TAFA1: variants seen among roughly 807,000 people sequenced by gnomAD.
TAFA1 encodes the protein chemokine-like protein TAFA-1.
TAFA1 carries 4 observed loss-of-function variants against 18.5 expected under a neutral mutation model. That is an observed-to-expected ratio of 0.22 (90% CI 0.11 to 0.49). TAFA1 has a LOEUF of 0.49. Ranked by LOEUF, TAFA1 falls within the 20% of genes least tolerant of loss-of-function variation. TAFA1 has a pLI of 0.98. For synonymous variants in TAFA1, 56 were observed against 55.2 expected (o/e 1.01, Z -0.06); for missense variants, 147 against 169.0 (o/e 0.87, Z 0.72).
At chr3:68,544,255 G>C (rs1401616416) in intron 4 of TAFA1, among the ~76,000 whole-genome samples, 1 of 152,046 alleles carries the variant, frequency 6.6e-6, no homozygotes, top group Non-Finnish European at 1.5e-5. Flanking sequence ...CACTCCTCAG[G>C]AGTGACATCA....
chr3:68,073,703 T>G (rs1264292332), intron 2 of TAFA1, among the ~76,000 whole-genome samples: 1 of 152,074 alleles, frequency 6.6e-6, no homozygotes, highest in Non-Finnish European at 1.5e-5. Flanking sequence ...GTTATACTGG[T>G]GGTGAGAGTA....
intron 2 of TAFA1, among the ~76,000 whole-genome samples, chr3:68,269,782 A>G (rs2067626704): frequency 6.6e-6 from 1 of 152,224 alleles, no homozygotes; most frequent in Admixed American, 6.5e-5. Flanking sequence ...AAAAACAGGT[A>G]ACATTTTTAA....
chr3:68,261,823 G>A (rs996255661), intron 2 of TAFA1, among the ~76,000 whole-genome samples: 12 of 151,870 alleles, frequency 7.9e-5, no homozygotes, highest in African/African-American at 1.9e-4. Flanking sequence ...GCTAAATGAC[G>A]AGTTAATGTG....
intron 2 of TAFA1, among the ~76,000 whole-genome samples, chr3:68,049,384 C>T (rs574761833): frequency 6.6e-6 from 1 of 152,104 alleles, no homozygotes; most frequent in Non-Finnish European, 1.5e-5. Context: ...TTGTGGGCTG[C>T]AGATGAAGAA....
At chr3:68,047,162 G>A (rs1196082571) in intron 2 of TAFA1, among the ~76,000 whole-genome samples, 1 of 152,180 alleles carries the variant, frequency 6.6e-6, no homozygotes, top group Non-Finnish European at 1.5e-5. Flanking sequence ...AGCACCGACA[G>A]TGAGAGCAGT....
At chr3:68,009,305 T>C (rs540982262) in intron 2 of TAFA1, among the ~76,000 whole-genome samples, 2 of 152,374 alleles carry the variant, frequency 1.3e-5, no homozygotes, top group East Asian at 3.9e-4. Context: ...CATTGGGGGT[T>C]ATGTATAATA....
chr3:68,163,921 C>T (rs1158390166), intron 2 of TAFA1, among the ~76,000 whole-genome samples: 2 of 152,202 alleles, frequency 1.3e-5, no homozygotes, highest in African/African-American at 4.8e-5. Flanking sequence ...CCCATCTAGA[C>T]TTTTGCAGTT....
chr3:68,172,964 T>G (rs762912064), intron 2 of TAFA1, among the ~76,000 whole-genome samples: 7 of 152,104 alleles, frequency 4.6e-5, no homozygotes, highest in Admixed American at 6.6e-5. Flanking sequence ...GTTGCACAAC[T>G]CTGTGAATAC....
intron 2 of TAFA1, among the ~76,000 whole-genome samples, chr3:68,397,245 C>T (rs140696442): frequency 4.2e-4 from 64 of 152,176 alleles, no homozygotes; most frequent in Non-Finnish European, 8.5e-4. Flanking sequence ...CTGCACCCAT[C>T]AACCCATCAC....
intron 3 of TAFA1, among the ~76,000 whole-genome samples, chr3:68,494,293 C>G (rs2072504158): frequency 6.6e-6 from 1 of 152,102 alleles, no homozygotes; most frequent in Non-Finnish European, 1.5e-5. Context: ...AGACCTGTCA[C>G]TTAAAACCTT....
chr3:68,387,259 G>A (rs565008526), intron 2 of TAFA1, among the ~76,000 whole-genome samples: 1 of 152,218 alleles, frequency 6.6e-6, no homozygotes, highest in East Asian at 1.9e-4. Flanking sequence ...TCACAGATCT[G>A]ACATTCTCTA....
chr3:68,057,304 T>G (rs940424254), intron 2 of TAFA1, among the ~76,000 whole-genome samples: 2 of 152,198 alleles, frequency 1.3e-5, no homozygotes, highest in African/African-American at 4.8e-5. Flanking sequence ...ACAGAACTCC[T>G]GTATTCACCC....
chr3:68,461,111 G>A (rs991071746), intron 3 of TAFA1, among the ~76,000 whole-genome samples: 2 of 151,664 alleles, frequency 1.3e-5, no homozygotes, highest in Admixed American at 6.6e-5. Flanking sequence ...GTTAAACCTC[G>A]ACTCTAATGA....
chr3:68,007,157 T>C (rs1467314587), intron 2 of TAFA1, among the ~76,000 whole-genome samples: 2 of 152,226 alleles, frequency 1.3e-5, no homozygotes, highest in African/African-American at 2.4e-5. Context: ...TGGAAGCAAG[T>C]TGTCAATGAA....
chr3:68,033,188 G>A (rs1173823852), intron 2 of TAFA1, among the ~76,000 whole-genome samples: 1 of 152,096 alleles, frequency 6.6e-6, no homozygotes, highest in Admixed American at 6.6e-5. Context: ...TGACCTAGTT[G>A]CTATTTCATT....
chr3:67,996,329 G>C, the TAFA1 span, among the ~76,000 whole-genome samples: 1 of 152,164 alleles, frequency 6.6e-6, no homozygotes, highest in African/African-American at 2.4e-5. Flanking sequence ...TAAAAAATCA[G>C]ACATTATATT....
chr3:68,448,140 A>T (rs1418156717), intron 3 of TAFA1, among the ~76,000 whole-genome samples: 1 of 152,148 alleles, frequency 6.6e-6, no homozygotes, highest in Non-Finnish European at 1.5e-5. Context: ...TCCTAGTAAA[A>T]GGACAAAATG....
chr3:68,083,175 C>A (rs2064926280), intron 2 of TAFA1, among the ~76,000 whole-genome samples: 1 of 152,092 alleles, frequency 6.6e-6, no homozygotes, highest in African/African-American at 2.4e-5. Context: ...TGAGAGAGAG[C>A]TTCTAAAATC....
chr3:68,479,392 T>C (rs1298235453), intron 3 of TAFA1, among the ~76,000 whole-genome samples: 1 of 151,950 alleles, frequency 6.6e-6, no homozygotes, highest in Non-Finnish European at 1.5e-5. Flanking sequence ...ATCTTGCTTT[T>C]TCTCACTTCT....
Sources: allele counts gnomAD v4.1 joint callset (sites outside exome capture counted in the v4.1 genomes callset), GRCh38; gene constraint gnomAD v4.1.1; transcripts MANE v1.5; gene names NCBI Gene and HGNC (gene_info 2026-07-23, HGNC 2026-07-21).